Variants in MFF observed in about 807,000 individuals in gnomAD.
MFF encodes the protein chromosome 2 open reading frame 33.
A neutral mutation model predicts 36.9 loss-of-function variants in MFF; 12 were observed. The observed-to-expected ratio is 0.33, with a 90% confidence interval of 0.21 to 0.53. The LOEUF is 0.53. Among genes scored for constraint, MFF ranks in the 20% least tolerant of loss-of-function variants. MFF has a pLI of 0.95. For missense variants in MFF, 348 were observed against 366.6 expected, an observed-to-expected ratio of 0.95 and a Z score of 0.42; for synonymous variants, 99 against 126.2, an observed-to-expected ratio of 0.78 and a Z score of 1.44.
intron 8 of MFF, among the ~76,000 whole-genome samples, chr2:227,356,229 G>A (rs1253868322): frequency 6.6e-6 from 1 of 152,148 alleles, no homozygotes; most frequent in Non-Finnish European, 1.5e-5. Flanking sequence ...GTATCACACA[G>A]ACATACACAC....
chr2:227,343,063 AAATAT>A (rs2075495256), intron 5 of MFF, among the ~76,000 whole-genome samples: 1 of 152,054 alleles, frequency 6.6e-6, no homozygotes, highest in African/African-American at 2.4e-5. Flanking sequence ...AAGGAACCTG[AAATAT>A]AATATGCACA....
intron 1 of MFF, among the ~76,000 whole-genome samples, chr2:227,327,107 T>C (rs1015517997): frequency 6.6e-6 from 1 of 152,210 alleles, no homozygotes; most frequent in Non-Finnish European, 1.5e-5. Flanking sequence ...TTACAATACT[T>C]TTTTGATTTT....
chr2:227,332,880 G>A (rs1024982071), intron 4 of MFF, among the ~76,000 whole-genome samples: 3 of 152,218 alleles, frequency 2.0e-5, no homozygotes, highest in Non-Finnish European at 2.9e-5. Flanking sequence ...ATAAGAAAAT[G>A]TTGGGAAGTT....
chr2:227,326,086 C>G (rs1372899594), intron 1 of MFF, among the ~76,000 whole-genome samples: 1 of 152,050 alleles, frequency 6.6e-6, no homozygotes, highest in Non-Finnish European at 1.5e-5. Flanking sequence ...TTCTGACCTT[C>G]CTCTGCAGGA....
intron 5 of MFF, among the ~76,000 whole-genome samples, chr2:227,341,672 A>G (rs954482352): frequency 1.3e-5 from 2 of 152,108 alleles, no homozygotes; most frequent in Non-Finnish European, 2.9e-5. Context: ...AAGAGGCTGT[A>G]TCATTTATGG....
At chr2:227,340,483 T>C in intron 5 of MFF, 103 bp downstream of exon 5, 1 of 822,048 alleles carries the variant, frequency 1.2e-6, no homozygotes. Context: ...TTTTAAAATT[T>C]GTTTTACATC....
In MFF at chr2:227,328,495, AC is replaced by A. The variant is rs2074339863; in HGVS notation, c.-152-179del. On this transcript the variant is annotated intron_variant, in intron 1 of 8. Coordinates refer to ENST00000304593, the MANE Select transcript of MFF (RefSeq NM_001277062.2). Reference sequence around the variant, plus strand: ...GCCTTAACTAATGAATAGTTGTAGGACCCCATCTGTGGAACTAAGATTGGTG... The same window carrying A: ...GCCTTAACTAATGAATAGTTGTAGGACCCATCTGTGGAACTAAGATTGGTG... Among the ~76,000 whole-genome samples, 15 of 152,210 alleles carry A rather than the reference AC, an allele frequency of 9.9e-5. No individual in the cohort carries two copies. In the South Asian group the frequency reaches 3.1e-3, roughly 32 times the overall value.
Position 227,347,368 on chromosome 2 carries a change from C to A in MFF, c.583C>A (p.Leu195Met), listed in dbSNP as rs1197595965. The change falls in exon 6 of 9, where the codon CTG (leucine) becomes ATG (methionine). Residue 195 changes from leucine to methionine, a missense_variant. Coordinates refer to ENST00000304593, the MANE Select transcript of MFF (RefSeq NM_001277062.2). ...RRAYQQILDV[L>M]DENRRPVLRG... is the part of the protein sequence containing the mutation. ...GGCATACCAGCAGATCTTGGATGTG[C>A]TGGATGAAAATCGCAGGTGATTGGC... 1 of 1,613,602 alleles carries A rather than the reference C, an allele frequency of 6.2e-7. No homozygotes were observed. Among genetic ancestry groups the A allele is most frequent in the East Asian group, 2.2e-5 (1 of 44,868 alleles).
In MFF at chr2:227,325,502, C is replaced by T. The variant is rs563393352; in HGVS notation, c.-153+75C>T. On this transcript the variant is annotated intron_variant, in intron 1 of 8. Transcript: ENST00000304593. Reference sequence around the variant, plus strand: ...CCAGGCCTATCGCCGCCGCCGAGACCCTCCGGCCAACAGGGACCCGCGGTG... The same window carrying T: ...CCAGGCCTATCGCCGCCGCCGAGACTCTCCGGCCAACAGGGACCCGCGGTG... The T allele has an allele frequency of 6.0e-4, 92 of 152,736 alleles. 3 individuals are homozygous for T. In the South Asian group the frequency reaches 0.017, roughly 29 times the overall value. 9.5% of individuals were successfully genotyped at this position (152,736 alleles called of 1,614,324 possible). A position where few individuals can be genotyped will look rare whatever the true frequency, so the allele number is the denominator to read the frequency against.
At chr2:227,327,215 G>C (rs2074224577) in intron 1 of MFF, among the ~76,000 whole-genome samples, 1 of 151,956 alleles carries the variant, frequency 6.6e-6, no homozygotes, top group East Asian at 1.9e-4. Context: ...TTAGTTACTG[G>C]TGTTTGGGAA....
rs548889465 is a variant in MFF at position 227,340,322 on chromosome 2, C to T, written c.382C>T (p.Arg128Trp). 7.9e-5 allele frequency: 127 copies of T among 1,613,722 alleles called. No homozygotes were observed. The highest frequency in any genetic ancestry group is 1.0e-4 in the Non-Finnish European group (120 of 1,179,848). The change falls in exon 5 of 9, where the codon CGG (arginine) becomes TGG (tryptophan). Residue 128 changes from arginine (R) to tryptophan (W), a missense_variant. Transcript: ENST00000304593. Reference sequence around the variant, plus strand: ...AGCAGTTGGCAGACTAAAAAGAGAGCGGTCTATGAGTGAAAATGCTGTTCG... The same window carrying T: ...AGCAGTTGGCAGACTAAAAAGAGAGTGGTCTATGAGTGAAAATGCTGTTCG... The part of the protein sequence containing the change: ...IRAVGRLKRE[R>W]SMSENAVRQN...
intron 6 of MFF, among the ~76,000 whole-genome samples, chr2:227,349,247 G>A (rs1251457789): frequency 6.6e-6 from 1 of 151,998 alleles, no homozygotes; most frequent in Non-Finnish European, 1.5e-5. Flanking sequence ...TTGCAATAAT[G>A]TGGAACTTAT....
chr2:227,334,334 T>G (rs1267909248), intron 4 of MFF, among the ~76,000 whole-genome samples: 1 of 152,200 alleles, frequency 6.6e-6, no homozygotes, highest in Non-Finnish European at 1.5e-5. Flanking sequence ...CAGCTGCTTA[T>G]TGAAAGCAAA....
rs551152270 is a variant in MFF, at chr2:227,343,157, C to G, written c.440+2777C>G. Among the ~76,000 whole-genome samples, 5 of 150,868 alleles carry G rather than the reference C, an allele frequency of 3.3e-5. No homozygotes were observed. In the East Asian group the frequency reaches 5.8e-4, roughly 18 times the overall value. On this transcript the variant is annotated intron_variant, in intron 5 of 8. Coordinates refer to ENST00000304593, the MANE Select transcript of MFF (RefSeq NM_001277062.2). ...TCAACAGATTCAACGTCACCTGGTG[C>G]AGTGATCCCAATTTTTTTTTTTTTA...
intron 2 of MFF, chr2:227,329,755 G>A: frequency 6.3e-7 from 1 of 1,578,862 alleles, no homozygotes; most frequent in African/African-American, 1.3e-5. Context: ...AATGAGTAAA[G>A]GAACAAGCAG....
chr2:227,353,733 G>T (rs775225950), intron 7 of MFF, among the ~76,000 whole-genome samples: 21 of 152,068 alleles, frequency 1.4e-4, no homozygotes, highest in Non-Finnish European at 2.5e-4. Context: ...AAAATCTTTT[G>T]TCATATCCTT....
chr2:227,331,959 A>ATATTT (rs572787657), intron 3 of MFF, among the ~76,000 whole-genome samples: 1,538 of 76,826 alleles, frequency 0.02, 334 homozygotes, highest in African/African-American at 0.046. Flanking sequence ...CGCTGGAAGC[A>ATATTT]TTTTTTTTTT....
intron 7 of MFF, among the ~76,000 whole-genome samples, chr2:227,354,370 T>A (rs551922533): frequency 1.1e-4 from 16 of 152,292 alleles, no homozygotes; most frequent in Non-Finnish European, 2.1e-4. Flanking sequence ...GGGATAGGTA[T>A]TAGAATAGAT....
chr2:227,353,321 T>C (rs2076093547), intron 7 of MFF, among the ~76,000 whole-genome samples: 1 of 152,208 alleles, frequency 6.6e-6, no homozygotes, highest in South Asian at 2.1e-4. Flanking sequence ...TATAATTTTT[T>C]CAGTCAGTTT....
Sources: allele counts gnomAD v4.1 joint callset (sites outside exome capture counted in the v4.1 genomes callset), GRCh38; gene constraint gnomAD v4.1.1; transcripts MANE v1.5; gene names NCBI Gene and HGNC (gene_info 2026-07-23, HGNC 2026-07-21).